Variants in GLDN observed in about 807,000 individuals in gnomAD.
The protein encoded by GLDN is collomin.
In GLDN, 47 loss-of-function variants were observed where a neutral mutation model predicts 56.5. That is an observed-to-expected ratio of 0.83 (90% CI 0.66 to 1.06). GLDN has a LOEUF of 1.06. Among genes scored for constraint, GLDN ranks in the 50% least tolerant of loss-of-function variants. The pLI, the probability that GLDN is intolerant of heterozygous loss-of-function variation, is 0.00. For missense variants in GLDN, 782 were observed against 714.3 expected (o/e 1.09, Z -1.08); for synonymous variants, 332 against 278.8 (o/e 1.19, Z -1.90).
At chr15:51,381,224 G>T (rs2037752081) in intron 2 of GLDN, among the ~76,000 whole-genome samples, 1 of 152,190 alleles carries the variant, frequency 6.6e-6, no homozygotes, top group Non-Finnish European at 1.5e-5. Context: ...CATGGACGTG[G>T]TTATCAGACT....
intron 1 of GLDN, among the ~76,000 whole-genome samples, chr15:51,370,877 A>G (rs552244623): frequency 6.6e-6 from 1 of 152,286 alleles, no homozygotes; most frequent in South Asian, 2.1e-4. Flanking sequence ...CTATAGTCCT[A>G]GCTACTTGGA....
At chr15:51,412,146 T>A (rs1026919134), downstream of GLDN, among the ~76,000 whole-genome samples, 3 of 152,220 alleles carry the variant, frequency 2.0e-5, no homozygotes, top group Admixed American at 6.5e-5. Flanking sequence ...TAGTCTTTTT[T>A]AAATCAATTT....
intron 2 of GLDN, among the ~76,000 whole-genome samples, chr15:51,381,394 C>A (rs147354653): frequency 2.0e-3 from 304 of 152,262 alleles, no homozygotes; most frequent in African/African-American, 6.4e-3. Flanking sequence ...GCCACCTCAC[C>A]CCCTTCCCAG....
chr15:51,390,644 A>G (rs1011621263), intron 4 of GLDN, among the ~76,000 whole-genome samples: 9 of 152,292 alleles, frequency 5.9e-5, no homozygotes, highest in African/African-American at 2.2e-4. Flanking sequence ...CTTAGCAACA[A>G]ATGATACTGC....
intron 4 of GLDN, 30 bp downstream of exon 4, chr15:51,383,922 C>G (rs754348699): frequency 2.1e-6 from 3 of 1,463,170 alleles, no homozygotes; most frequent in Non-Finnish European, 2.8e-6. Flanking sequence ...TAATTAATTT[C>G]CCTGTTATTT....
rs896593057 is a variant in GLDN at position 51,407,472 on chromosome 15, C to G, written c.*2718C>G. Reference sequence around the variant, plus strand: ...GATGTCAGAATCAAACCAGATAATTCTCTAATTCTTCTTTAATCTAAAGTA... The same window carrying G: ...GATGTCAGAATCAAACCAGATAATTGTCTAATTCTTCTTTAATCTAAAGTA... On this transcript the variant is annotated 3_prime_UTR_variant, in exon 10 of 10. Coordinates refer to ENST00000335449, the MANE Select transcript of GLDN (RefSeq NM_181789.4). 2.6e-5 allele frequency: 4 copies of G among 152,180 alleles called. No individual in the cohort carries two copies. Among genetic ancestry groups the G allele is most frequent in the African/African-American group, 9.7e-5 (4 of 41,444 alleles). The allele number at this position is 152,180 out of a possible 1,614,324, so 9.4% of individuals were successfully genotyped here. A position where few individuals can be genotyped will look rare whatever the true frequency, so the allele number is the denominator to read the frequency against.
chr15:51,395,341 G>A lies in GLDN; in HGVS notation c.688+360G>A, dbSNP rs186279106. On this transcript the variant is annotated intron_variant, in intron 5 of 9. Coordinates refer to ENST00000335449, the MANE Select transcript of GLDN (RefSeq NM_181789.4). Reference sequence around the variant, plus strand: ...AGGACAACTGACAGGAAGCACAAGCGTTTGCTTCACTGATGAGGTTGAGCC... The same window carrying A: ...AGGACAACTGACAGGAAGCACAAGCATTTGCTTCACTGATGAGGTTGAGCC... Among the ~76,000 whole-genome samples the A allele has an allele frequency of 5.6e-4, 86 of 152,310 alleles. 1 individual carries two copies. The highest frequency in any genetic ancestry group is 1.4e-3 in the Admixed American group (22 of 15,294).
chr15:51,389,304 T>C (rs189950914), intron 4 of GLDN, among the ~76,000 whole-genome samples: 14 of 152,190 alleles, frequency 9.2e-5, no homozygotes. Flanking sequence ...CAATAAATAA[T>C]TGATGAATGA....
At chr15:51,377,667 A>G (rs1362092247) in intron 2 of GLDN, among the ~76,000 whole-genome samples, 167 bp downstream of exon 2, 1 of 152,240 alleles carries the variant, frequency 6.6e-6, no homozygotes, top group Non-Finnish European at 1.5e-5. Context: ...GATTATGAAA[A>G]ATAATATTTT....
chr15:51,344,642 G>C (rs1392630020), intron 1 of GLDN, among the ~76,000 whole-genome samples: 1 of 152,052 alleles, frequency 6.6e-6, no homozygotes, highest in Non-Finnish European at 1.5e-5. Context: ...TGAGATCCAA[G>C]GTCCTCACTG....
At chr15:51,368,527 T>G (rs1435146874) in intron 1 of GLDN, among the ~76,000 whole-genome samples, 2 of 151,674 alleles carry the variant, frequency 1.3e-5, no homozygotes, top group Non-Finnish European at 2.9e-5. Context: ...CAACACGAGC[T>G]GGGGCCTAGG....
At chr15:51,412,960 A>T (rs1011906593), downstream of GLDN, among the ~76,000 whole-genome samples, 6 of 151,084 alleles carry the variant, frequency 4.0e-5, no homozygotes, top group East Asian at 1.9e-4. Flanking sequence ...GACAATTTAC[A>T]TTTTTTTTTC....
In GLDN at chr15:51,360,852, GA is replaced by G. The variant is rs2037285280; in HGVS notation, c.364-16596del. 2.0e-5 allele frequency among the ~76,000 whole-genome samples: 3 copies of G among 152,178 alleles called. No homozygotes were observed. The South Asian group carries it at 6.2e-4, about 32-fold the overall frequency. On this transcript the variant is annotated intron_variant, in intron 1 of 9. Coordinates refer to ENST00000335449, the MANE Select transcript of GLDN (RefSeq NM_181789.4). ...AGCTATCCCCTGTGTGGAGGGAGGA[GA>G]GGGCTGAGCAGGAAGTAGGTTGAGA...
intron 8 of GLDN, 87 bp from the exon 9 acceptor site, chr15:51,401,506 C>T (rs886715502): frequency 1.5e-5 from 19 of 1,261,456 alleles, no homozygotes; most frequent in Admixed American, 7.7e-5. Context: ...CTCAACTTCC[C>T]GCCTTTGAAA....
rs564372081 is a variant in GLDN at position 51,397,617 on chromosome 15, C to T, written c.817+19C>T. On this transcript the variant is annotated intron_variant, in intron 6 of 9. Coordinates refer to ENST00000335449, the MANE Select transcript of GLDN (RefSeq NM_181789.4). ...TGCCCAGGTCACCACCTCTCCCCTA[C>T]GGGGCCCACCTCTTCTGTCAATTAT... 23 of 1,544,790 alleles carry T rather than the reference C, an allele frequency of 1.5e-5. No homozygotes were observed. Among genetic ancestry groups the T allele is most frequent in the South Asian group, 8.6e-5 (7 of 80,962 alleles).
intron 5 of GLDN, among the ~76,000 whole-genome samples, chr15:51,396,793 G>C (rs761843989): frequency 1.3e-4 from 20 of 152,172 alleles, no homozygotes; most frequent in Admixed American, 3.3e-4. Flanking sequence ...ACCAGGCACT[G>C]TGCTTCGACC....
chr15:51,373,779 T>C (rs1420257354), intron 1 of GLDN, among the ~76,000 whole-genome samples: 1 of 152,226 alleles, frequency 6.6e-6, no homozygotes, highest in Non-Finnish European at 1.5e-5. Flanking sequence ...GGATGGGTCA[T>C]GCCTAGTACC....
At chr15:51,362,352 G>A (rs757992627) in intron 1 of GLDN, among the ~76,000 whole-genome samples, 2 of 152,070 alleles carry the variant, frequency 1.3e-5, no homozygotes, top group Non-Finnish European at 2.9e-5. Context: ...CAGCATGGTG[G>A]TGCATGCCTG....
chr15:51,394,299 C>T (rs557006808), intron 4 of GLDN, among the ~76,000 whole-genome samples: 57 of 152,304 alleles, frequency 3.7e-4, no homozygotes, highest in Middle Eastern at 3.4e-3. Flanking sequence ...AACCTGTTGG[C>T]TCAGCCAAAT....
Sources: allele counts gnomAD v4.1 joint callset (sites outside exome capture counted in the v4.1 genomes callset), GRCh38; gene constraint gnomAD v4.1.1; transcripts MANE v1.5; gene names NCBI Gene and HGNC (gene_info 2026-07-23, HGNC 2026-07-21).